The following EPHA7 variants were observed in gnomAD, a reference collection of about 807,000 sequenced individuals.
EPHA7 encodes EPH receptor A7.
EPHA7 carries 25 observed loss-of-function variants against 112.6 expected under a neutral mutation model. That is an observed-to-expected ratio of 0.22 (90% CI 0.16 to 0.31). The LOEUF (loss-of-function observed/expected upper bound fraction) is 0.31, where lower values mean the gene tolerates loss of function less well. EPHA7 is among the 10% of genes least tolerant of loss of function. The pLI is 1.00. For synonymous variants in EPHA7, 437 were observed against 406.5 expected (o/e 1.07, Z -0.90); for missense variants, 962 against 1,212.6 (o/e 0.79, Z 3.07).
At chr6:93,387,294 AG>A (rs1777656056) in intron 3 of EPHA7, among the ~76,000 whole-genome samples, 1 of 152,106 alleles carries the variant, frequency 6.6e-6, no homozygotes, top group South Asian at 2.1e-4. Context: ...GCATAGCAAA[AG>A]TCACCTTTGC....
intron 3 of EPHA7, among the ~76,000 whole-genome samples, chr6:93,372,328 A>G (rs1776841754): frequency 6.6e-6 from 1 of 152,120 alleles, no homozygotes; most frequent in African/African-American, 2.4e-5. Flanking sequence ...AATATCAGCA[A>G]TTACAGAAAG....
At chr6:93,259,568 T>G (rs567729858) in intron 9 of EPHA7, 89 bp from the exon 10 acceptor site, 3 of 1,501,326 alleles carry the variant, frequency 2.0e-6, no homozygotes, top group Non-Finnish European at 2.7e-6. Context: ...GAGTGCTCCT[T>G]GGAACAGTGA....
chr6:93,298,214 A>G (rs945113363), intron 5 of EPHA7, among the ~76,000 whole-genome samples: 109 of 152,286 alleles, frequency 7.2e-4, no homozygotes, highest in African/African-American at 2.5e-3. Context: ...TTAATAATAA[A>G]GGTATCAACG....
intron 3 of EPHA7, among the ~76,000 whole-genome samples, chr6:93,390,824 G>A (rs1348026649): frequency 6.6e-6 from 1 of 151,760 alleles, no homozygotes; most frequent in Non-Finnish European, 1.5e-5. Context: ...ACTCATGCAG[G>A]TTTATCTCTC....
At chr6:93,343,686 A>G (rs1024226075) in intron 5 of EPHA7, among the ~76,000 whole-genome samples, 1 of 151,672 alleles carries the variant, frequency 6.6e-6, no homozygotes, top group Non-Finnish European at 1.5e-5. Context: ...GCTTGTCCAG[A>G]AAAATGGTCG....
intron 5 of EPHA7, among the ~76,000 whole-genome samples, chr6:93,311,765 T>C (rs1289222915): frequency 1.3e-5 from 2 of 152,200 alleles, no homozygotes; most frequent in Non-Finnish European, 2.9e-5. Flanking sequence ...AAGGAATCAC[T>C]ATCTATTGCA....
intron 5 of EPHA7, among the ~76,000 whole-genome samples, chr6:93,338,041 C>T (rs915914275): frequency 1.3e-5 from 2 of 151,956 alleles, no homozygotes; most frequent in African/African-American, 4.8e-5. Flanking sequence ...GGAGATAACT[C>T]ATCAAACAGT....
intron 5 of EPHA7, among the ~76,000 whole-genome samples, chr6:93,342,625 G>T (rs1006495868): frequency 6.6e-6 from 1 of 151,680 alleles, no homozygotes; most frequent in Non-Finnish European, 1.5e-5. Context: ...CCTCCTGGAT[G>T]TGCTGTTAAT....
intron 6 of EPHA7, among the ~76,000 whole-genome samples, chr6:93,269,929 C>G (rs996417319): frequency 4.6e-5 from 7 of 151,686 alleles, no homozygotes; most frequent in Non-Finnish European, 7.4e-5. Flanking sequence ...GTGACAAGAA[C>G]TATTTAGCCA....
intron 5 of EPHA7, among the ~76,000 whole-genome samples, chr6:93,325,621 A>G (rs1423033281): frequency 6.6e-6 from 1 of 151,358 alleles, no homozygotes; most frequent in East Asian, 1.9e-4. Context: ...TAAATGAAGG[A>G]AATTTTAAAA....
chr6:93,257,209 C>T lies in EPHA7; in HGVS notation c.2172+253G>A, dbSNP rs1388921686. Among the ~76,000 whole-genome samples the T allele has an allele frequency of 3.3e-5, 5 of 152,130 alleles. No homozygotes were observed. In the East Asian group the frequency reaches 7.7e-4, roughly 24 times the overall value. On this transcript the variant is annotated intron_variant, in intron 12 of 16. Coordinates refer to ENST00000369303, the MANE Select transcript of EPHA7 (RefSeq NM_004440.4). ...AACATGAATTCAAATTACAGGGCTT[C>T]GGGCATCCTCCATACCTCAGGTAAT... is the stretch of plus-strand genomic sequence containing the variant.
chr6:93,292,085 A>C lies in EPHA7; in HGVS notation c.1325-19663T>G, dbSNP rs548253346. On this transcript the variant is annotated intron_variant, in intron 5 of 16. Coordinates refer to ENST00000369303, the MANE Select transcript of EPHA7 (RefSeq NM_004440.4). ...CTCATAAGCATATATAGTTAACTACAGTAAACAGAAAGTGTATTACTGAAG... is the reference window on the plus strand; with the variant it reads ...CTCATAAGCATATATAGTTAACTACCGTAAACAGAAAGTGTATTACTGAAG... Among the ~76,000 whole-genome samples the C allele has an allele frequency of 1.1e-4, 16 of 152,276 alleles. No individual in the cohort carries two copies. In the South Asian group the frequency reaches 3.3e-3, roughly 32 times the overall value.
intron 6 of EPHA7, among the ~76,000 whole-genome samples, chr6:93,271,599 C>G (rs1771221726): frequency 6.6e-6 from 1 of 151,776 alleles, no homozygotes. Flanking sequence ...CTCTCTCTTT[C>G]CAAATGAAAC....
At chr6:93,339,755 C>G (rs1357154032) in intron 5 of EPHA7, among the ~76,000 whole-genome samples, 1 of 151,606 alleles carries the variant, frequency 6.6e-6, no homozygotes, top group Non-Finnish European at 1.5e-5. Context: ...ACAGCCCAGG[C>G]AATACATATT....
At chr6:93,257,678 C>T (rs1251934364) in intron 11 of EPHA7, among the ~76,000 whole-genome samples, 155 bp from the exon 12 acceptor site, 2 of 151,928 alleles carry the variant, frequency 1.3e-5, no homozygotes, top group Non-Finnish European at 2.9e-5. Flanking sequence ...CTCAAAAAGT[C>T]ATTATATGTC....
intron 5 of EPHA7, among the ~76,000 whole-genome samples, chr6:93,280,530 T>G (rs1310511751): frequency 6.6e-6 from 1 of 152,204 alleles, no homozygotes; most frequent in Admixed American, 6.5e-5. Context: ...CATTCAATTA[T>G]GTTATACCTG....
intron 1 of EPHA7, among the ~76,000 whole-genome samples, 186 bp downstream of exon 1, chr6:93,419,059 G>C (rs1396867067): frequency 6.6e-6 from 1 of 152,182 alleles, no homozygotes; most frequent in Non-Finnish European, 1.5e-5. Context: ...AGGCGGCTCG[G>C]AACAGCCCTG....
At chr6:93,330,749 G>C (rs1339820797) in intron 5 of EPHA7, among the ~76,000 whole-genome samples, 1 of 151,250 alleles carries the variant, frequency 6.6e-6, no homozygotes, top group Non-Finnish European at 1.5e-5. Flanking sequence ...AGTAAACATA[G>C]GGGTGCAGAT....
At chr6:93,269,821 A>T (rs1169520061) in intron 6 of EPHA7, among the ~76,000 whole-genome samples, 161 bp from the exon 7 acceptor site, 1 of 151,806 alleles carries the variant, frequency 6.6e-6, no homozygotes, top group African/African-American at 2.4e-5. Flanking sequence ...GGTAATATAA[A>T]ATGAAAATGT....
Sources: allele counts gnomAD v4.1 joint callset (sites outside exome capture counted in the v4.1 genomes callset), GRCh38; gene constraint gnomAD v4.1.1; transcripts MANE v1.5; gene names NCBI Gene and HGNC (gene_info 2026-07-23, HGNC 2026-07-21).